DMGDH: variants seen among roughly 807,000 people sequenced by gnomAD.
The protein encoded by DMGDH is dimethylglycine dehydrogenase, mitochondrial.
In DMGDH, 76 loss-of-function variants were observed where a neutral mutation model predicts 95.2. The ratio of observed to expected loss-of-function variants is 0.80; its 90% CI spans 0.66 to 0.97. DMGDH has a LOEUF of 0.97. Among genes scored for constraint, DMGDH ranks in the 50% least tolerant of loss-of-function variants. The pLI is 0.00. For synonymous variants in DMGDH, 345 were observed against 377.6 expected, an observed-to-expected ratio of 0.91 and a Z score of 1.00; for missense variants, 987 against 1,055.0, an observed-to-expected ratio of 0.94 and a Z score of 0.89.
chr5:79,044,537 T>G lies in DMGDH; in HGVS notation c.761A>C (p.Glu254Ala), dbSNP rs1754614013. 5.0e-6 allele frequency: 8 copies of G among 1,614,074 alleles called. No homozygotes were observed. Among genetic ancestry groups the G allele is most frequent in the Non-Finnish European group, 6.8e-6 (8 of 1,180,018 alleles). ...IVNAAGFWAR[E>A]VGKMIGLEHP... is the part of the protein sequence containing the mutation. ...TTCTAGTCCAATCATTTTACCTACT[T>G]CACGAGCCCAAAATCCTTAAACAAA... Residue 254 changes from glutamate (E) to alanine (A), a missense_variant, in exon 6 of 16, where the codon GAA (glutamate) becomes GCA (alanine). By Grantham distance (107) the Glu-to-Ala change is moderately radical. Transcript: ENST00000255189.
In DMGDH at chr5:78,998,366, A is replaced by T. The variant is rs568497737; in HGVS notation, c.2386-69T>A. 5.2e-4 allele frequency: 752 copies of T among 1,453,212 alleles called. 8 individuals are homozygous for T. In the South Asian group the frequency reaches 7.6e-3, roughly 15 times the overall value. 90.0% of individuals were successfully genotyped at this position (1,453,212 alleles called of 1,614,324 possible). A position where few individuals can be genotyped will look rare whatever the true frequency, so the allele number is the denominator to read the frequency against. On this transcript the variant is annotated intron_variant, in intron 15 of 15. Transcript: ENST00000255189. ...TCTGTGCTCCTCATCTCTGGGTGAA[A>T]AAAAACTAAAATACAGATTCAACTT...
chr5:79,010,678 T>A (rs1001381005), intron 14 of DMGDH, among the ~76,000 whole-genome samples: 8 of 152,200 alleles, frequency 5.3e-5, no homozygotes, highest in African/African-American at 1.9e-4. Context: ...CACATGTTAT[T>A]CTTTGTTTTA....
chr5:79,054,942 G>A (rs1481311550), intron 3 of DMGDH, among the ~76,000 whole-genome samples: 1 of 152,174 alleles, frequency 6.6e-6, no homozygotes, highest in Non-Finnish European at 1.5e-5. Flanking sequence ...TAAAAGAGGT[G>A]TGCACAAATG....
intron 14 of DMGDH, chr5:79,021,361 C>A: frequency 8.7e-7 from 1 of 1,153,534 alleles, no homozygotes; most frequent in South Asian, 1.8e-5. Flanking sequence ...ACATTTAGAT[C>A]TATGGGTTAG....
intron 2 of DMGDH, among the ~76,000 whole-genome samples, chr5:79,057,412 C>T (rs937457963): frequency 6.6e-6 from 1 of 152,136 alleles, no homozygotes; most frequent in Admixed American, 6.5e-5. Context: ...GCATTTCATC[C>T]TCCTGCACTC....
At chr5:79,068,687 A>G (rs1755452156) in intron 1 of DMGDH, among the ~76,000 whole-genome samples, 1 of 152,290 alleles carries the variant, frequency 6.6e-6, no homozygotes. Flanking sequence ...TGATGCTGAT[A>G]AACAAGCCTT....
intron 5 of DMGDH, among the ~76,000 whole-genome samples, chr5:79,048,241 G>A (rs1449636207): frequency 6.6e-6 from 1 of 151,912 alleles, no homozygotes; most frequent in African/African-American, 2.4e-5. Context: ...TTCAAGATGG[G>A]GACTATTATC....
At chr5:79,057,886 C>T (rs7701195) in intron 2 of DMGDH, among the ~76,000 whole-genome samples, 10,840 of 152,206 alleles carry the variant, frequency 0.071, 858 homozygotes, top group African/African-American at 0.18. Flanking sequence ...ATCCTGTAAG[C>T]TTTATACCTG....
intron 14 of DMGDH, among the ~76,000 whole-genome samples, chr5:79,015,076 C>G (rs1384492922): frequency 1.3e-5 from 2 of 152,136 alleles, no homozygotes; most frequent in African/African-American, 2.4e-5. Flanking sequence ...TCTCCAAACC[C>G]ACATGCTCAG....
chr5:79,059,967 C>G (rs912121230), intron 2 of DMGDH, among the ~76,000 whole-genome samples: 1 of 152,180 alleles, frequency 6.6e-6, no homozygotes, highest in East Asian at 1.9e-4. Flanking sequence ...AAGCTAATCA[C>G]AATGGTGATA....
rs562850768 is a variant in DMGDH, at chr5:79,001,566, G to T, written c.2386-3269C>A. On this transcript the variant is annotated intron_variant, in intron 15 of 15. Coordinates refer to ENST00000255189, the MANE Select transcript of DMGDH (RefSeq NM_013391.3). The stretch of plus-strand genomic sequence containing the variant: ...AGCCCTGGAAGAGTTAAGCTGGTTT[G>T]CTTGAGCATCTTCAGAAAACAGGAA... Among the ~76,000 whole-genome samples, 79 of 152,308 alleles carry T rather than the reference G, an allele frequency of 5.2e-4. 1 individual carries two copies. The highest frequency in any genetic ancestry group is 8.7e-4 in the Non-Finnish European group (59 of 68,036).
rs766693673 is a variant in DMGDH at position 79,026,526 on chromosome 5, G to A, written c.2088C>T (p.Asp696=). The A allele has an allele frequency of 4.2e-5, 67 of 1,613,944 alleles. No individual in the cohort carries two copies. In the South Asian group the frequency reaches 6.5e-4, roughly 16 times the overall value. ...CCTCCTGGCCTGCATTCATGATAGCGTCATACAGCGCCACAGAATCTTCTC... is the reference window on the plus strand; with the variant it reads ...CCTCCTGGCCTGCATTCATGATAGCATCATACAGCGCCACAGAATCTTCTC... ...HRREDSVALY[D]AIMNAGQEEG... is the part of the protein sequence containing the mutation. The change falls in exon 13 of 16, where the codon GAC becomes GAT. Residue 696 remains aspartate, a synonymous_variant. Transcript: ENST00000255189.
rs1049796983 is a variant in DMGDH at position 79,034,440 on chromosome 5, G to A, written c.1194-1032C>T. Among the ~76,000 whole-genome samples, 3 of 152,264 alleles carry A rather than the reference G, an allele frequency of 2.0e-5. No homozygotes were observed. In the South Asian group the frequency reaches 6.2e-4, roughly 32 times the overall value. On this transcript the variant is annotated intron_variant, in intron 7 of 15. Transcript: ENST00000255189. ...GGGGTTTTGACATCAGAAAATGGAT[G>A]GGTTTTACATTGGCCATGTGTAGTT...
chr5:79,011,768 T>C (rs1220374076), intron 14 of DMGDH, among the ~76,000 whole-genome samples: 1 of 152,124 alleles, frequency 6.6e-6, no homozygotes. Flanking sequence ...CTCACTTTTA[T>C]ATGACCAGAT....
At chr5:79,001,410 G>A (rs780820547) in intron 15 of DMGDH, among the ~76,000 whole-genome samples, 1 of 152,178 alleles carries the variant, frequency 6.6e-6, no homozygotes, top group Non-Finnish European at 1.5e-5. Context: ...TGATCAGCCC[G>A]CCTTGGCCTC....
chr5:79,064,737 T>C (rs495305), intron 1 of DMGDH, among the ~76,000 whole-genome samples: 66,086 of 149,982 alleles, frequency 0.44, 16,097 homozygotes, highest in East Asian at 0.64. Flanking sequence ...AATATATATA[T>C]TTTTTTAACT....
chr5:79,044,589 A>G (rs1173777200), intron 5 of DMGDH, 37 bp from the exon 6 acceptor site: 1 of 1,609,612 alleles, frequency 6.2e-7, no homozygotes, highest in East Asian at 2.2e-5. Context: ...GTCAGCCCAT[A>G]TATAAACACA....
At chr5:78,998,586 G>A (rs1047888028) in intron 15 of DMGDH, among the ~76,000 whole-genome samples, 38 of 152,140 alleles carry the variant, frequency 2.5e-4, no homozygotes, top group African/African-American at 7.7e-4. Flanking sequence ...GTGGTGGCTC[G>A]TGCCTGTAAT....
At chr5:79,043,788 T>G (rs955263869) in intron 6 of DMGDH, among the ~76,000 whole-genome samples, 1 of 152,218 alleles carries the variant, frequency 6.6e-6, no homozygotes, top group Non-Finnish European at 1.5e-5. Flanking sequence ...TGCTTTGGCA[T>G]AGAGGCACAA....
Sources: allele counts gnomAD v4.1 joint callset (sites outside exome capture counted in the v4.1 genomes callset), GRCh38; gene constraint gnomAD v4.1.1; transcripts MANE v1.5; gene names NCBI Gene and HGNC (gene_info 2026-07-23, HGNC 2026-07-21).